FGF7: variants seen among roughly 807,000 people sequenced by gnomAD.
FGF7 encodes FGF-7.
FGF7 carries 6 observed loss-of-function variants against 20.5 expected under a neutral mutation model. The observed-to-expected ratio is 0.29, with a 90% confidence interval of 0.16 to 0.58. FGF7 has a LOEUF of 0.58. FGF7 is among the 20% of genes least tolerant of loss of function. The pLI, the probability that FGF7 is intolerant of heterozygous loss-of-function variation, is 0.90. For synonymous variants in FGF7, 64 were observed against 74.7 expected (o/e 0.86, Z 0.74); for missense variants, 144 against 228.8 (o/e 0.63, Z 2.39).
chr15:49,423,941 A>G (rs1337229462), intron 1 of FGF7, 91 bp from the exon 2 acceptor site: 1 of 204,514 alleles, frequency 4.9e-6, no homozygotes, highest in African/African-American at 2.3e-5. Context: ...CTGTATTCTA[A>G]TGCTACTACT....
At chr15:49,449,660 A>T (rs2052541302) in intron 2 of FGF7, among the ~76,000 whole-genome samples, 1 of 152,004 alleles carries the variant, frequency 6.6e-6, no homozygotes, top group Non-Finnish European at 1.5e-5. Context: ...GGCTCATCTT[A>T]AGCTTGTCCA....
Position 49,488,690 on chromosome 15 carries a change from T to A in FGF7, c.*4186T>A, listed in dbSNP as rs1285384958. On this transcript the variant is annotated 3_prime_UTR_variant, in exon 4 of 4. Transcript: ENST00000267843. ...TGAGATGAAAATAACATTTCACTTA[T>A]GAAAAACCCTTCTCTTGATGAATCC... is the stretch of plus-strand genomic sequence containing the variant. 1 of 152,058 alleles carries A rather than the reference T, an allele frequency of 6.6e-6. No homozygotes were observed. The highest frequency in any genetic ancestry group is 1.5e-5 in the Non-Finnish European group (1 of 67,952). 9.4% of individuals were successfully genotyped at this position (152,058 alleles called of 1,614,324 possible).
intron 2 of FGF7, among the ~76,000 whole-genome samples, chr15:49,451,500 C>A (rs2052739624): frequency 6.6e-6 from 1 of 151,948 alleles, no homozygotes; most frequent in Admixed American, 6.6e-5. Flanking sequence ...ATAACATCAA[C>A]AATGAGATTA....
At chr15:49,470,039 C>T in intron 2 of FGF7, among the ~76,000 whole-genome samples, 1 of 152,146 alleles carries the variant, frequency 6.6e-6, no homozygotes, top group East Asian at 1.9e-4. Context: ...TTTCTTAATT[C>T]TCTGGTAAAA....
chr15:49,461,458 C>A (rs901795016), intron 2 of FGF7, among the ~76,000 whole-genome samples: 1 of 152,208 alleles, frequency 6.6e-6, no homozygotes, highest in Non-Finnish European at 1.5e-5. Flanking sequence ...GACATCATGT[C>A]TATTTTTCAA....
intron 2 of FGF7, among the ~76,000 whole-genome samples, chr15:49,467,930 T>C (rs1196676470): frequency 6.6e-6 from 1 of 152,184 alleles, no homozygotes; most frequent in Non-Finnish European, 1.5e-5. Context: ...CATGACATTC[T>C]TCAGTAATAT....
Position 49,484,948 on chromosome 15 carries a change from T to C in FGF7, c.*444T>C, listed in dbSNP as rs2056283409. 6.6e-6 allele frequency: 1 copy of C among 152,630 alleles called. No homozygotes were observed. The highest frequency in any genetic ancestry group is 1.5e-5 in the Non-Finnish European group (1 of 68,172). The allele number at this position is 152,630 out of a possible 1,614,324, so 9.5% of individuals were successfully genotyped here. On this transcript the variant is annotated 3_prime_UTR_variant, in exon 4 of 4. Transcript: ENST00000267843. Reference sequence around the variant, plus strand: ...ACCTACAGGCTTCTGGCAGGATTTGTCAGATAATCAAGCCACACTAACTAT... The same window carrying C: ...ACCTACAGGCTTCTGGCAGGATTTGCCAGATAATCAAGCCACACTAACTAT...
chr15:49,441,008 T>C (rs1390469267), intron 2 of FGF7, among the ~76,000 whole-genome samples: 1 of 151,828 alleles, frequency 6.6e-6, no homozygotes, highest in African/African-American at 2.4e-5. Context: ...TAATGTTTTA[T>C]CTTTCAAAGT....
chr15:49,484,416 C>T lies in FGF7; in HGVS notation c.497C>T (p.Ala166Val). 4 of 1,591,738 alleles carry T rather than the reference C, an allele frequency of 2.5e-6. No individual in the cohort carries two copies. Among genetic ancestry groups the T allele is most frequent in the Non-Finnish European group, 3.4e-6 (4 of 1,176,872 alleles). Residue 166 changes from alanine (A) to valine (V), a missense_variant, in exon 4 of 4, where the codon GCC becomes GTC. Coordinates refer to ENST00000267843, the MANE Select transcript of FGF7 (RefSeq NM_002009.4). ...WTHNGGEMFV[A>V]LNQKGIPVRG... The stretch of plus-strand genomic sequence containing the variant: ...CACAACGGAGGGGAAATGTTTGTTG[C>T]CTTAAATCAAAAGGGGATTCCTGTA...
chr15:49,430,228 T>C (rs1022537896), intron 2 of FGF7, among the ~76,000 whole-genome samples: 1 of 151,928 alleles, frequency 6.6e-6, no homozygotes, highest in African/African-American at 2.4e-5. Flanking sequence ...CAGGGAAGAA[T>C]AGGTTCTGTA....
chr15:49,480,960 G>C (rs1401658957), intron 2 of FGF7, among the ~76,000 whole-genome samples: 1 of 152,140 alleles, frequency 6.6e-6, no homozygotes. Flanking sequence ...TTTTACAATT[G>C]TTCTGTAAAA....
intron 2 of FGF7, among the ~76,000 whole-genome samples, chr15:49,471,925 G>A (rs1473493641): frequency 4.0e-5 from 6 of 151,804 alleles, no homozygotes; most frequent in African/African-American, 1.5e-4. Flanking sequence ...GGAATCCCTC[G>A]TGACAGTGAA....
rs2056334235 is a variant in FGF7 at position 49,485,527 on chromosome 15, G to A, written c.*1023G>A. 6.6e-6 allele frequency: 1 copy of A among 151,990 alleles called. No homozygotes were observed. The highest frequency in any genetic ancestry group is 2.1e-4 in the South Asian group (1 of 4,818). The allele number at this position is 151,990 out of a possible 1,614,324, so 9.4% of individuals were successfully genotyped here. ...GTTTCATATGCTTTTAATTTTAAAG[G>A]AATAACAAAACTGTCTGGCTCAACG... On this transcript the variant is annotated 3_prime_UTR_variant, in exon 4 of 4. Coordinates refer to ENST00000267843, the MANE Select transcript of FGF7 (RefSeq NM_002009.4).
chr15:49,452,134 T>C (rs774919934), intron 2 of FGF7, among the ~76,000 whole-genome samples: 7 of 152,034 alleles, frequency 4.6e-5, no homozygotes, highest in Non-Finnish European at 7.4e-5. Context: ...CTCTGCCTTC[T>C]AGGTTCAAGC....
intron 2 of FGF7, among the ~76,000 whole-genome samples, chr15:49,467,130 G>A (rs556367236): frequency 3.3e-5 from 5 of 152,162 alleles, no homozygotes; most frequent in Admixed American, 2.0e-4. Context: ...TAAGTTTCAC[G>A]GAGTATATTA....
chr15:49,480,873 T>G (rs2055883265), intron 2 of FGF7, among the ~76,000 whole-genome samples: 1 of 152,166 alleles, frequency 6.6e-6, no homozygotes, highest in African/African-American at 2.4e-5. Flanking sequence ...AATATGAACT[T>G]ATTGTCATGA....
At chr15:49,464,604 G>C (rs1471000311) in intron 2 of FGF7, among the ~76,000 whole-genome samples, 1 of 152,118 alleles carries the variant, frequency 6.6e-6, no homozygotes, top group African/African-American at 2.4e-5. Context: ...AATTATACAA[G>C]ATAAAAGTCA....
At chr15:49,433,951 G>T (rs1428592765) in intron 2 of FGF7, among the ~76,000 whole-genome samples, 1 of 151,756 alleles carries the variant, frequency 6.6e-6, no homozygotes, top group Non-Finnish European at 1.5e-5. Context: ...GCAGTGGACT[G>T]ATAATTTTGG....
intron 2 of FGF7, chr15:49,424,977 G>A (rs142707809): frequency 6.5e-6 from 1 of 153,970 alleles, no homozygotes; most frequent in African/African-American, 2.4e-5. Flanking sequence ...AGTTTAAAGA[G>A]TAGGGAAATT....
Sources: allele counts gnomAD v4.1 joint callset (sites outside exome capture counted in the v4.1 genomes callset), GRCh38; gene constraint gnomAD v4.1.1; transcripts MANE v1.5; gene names NCBI Gene and HGNC (gene_info 2026-07-23, HGNC 2026-07-21).